QTMAN: variants seen among roughly 807,000 people sequenced by gnomAD.
QTMAN encodes queuosine-tRNA mannosyltransferase, also known as tRNA-queuosine alpha-mannosyltransferase.
At chr2:144,263,949 A>G in the QTMAN span, among the ~76,000 whole-genome samples, 2 of 152,172 alleles carry the variant, frequency 1.3e-5, no homozygotes, top group Non-Finnish European at 2.9e-5. Context: ...CATGTATAGA[A>G]CATAAGCACT....
chr2:143,966,072 G>T, the QTMAN span, among the ~76,000 whole-genome samples: 1 of 152,036 alleles, frequency 6.6e-6, no homozygotes, highest in Non-Finnish European at 1.5e-5. Flanking sequence ...CACATGAGTG[G>T]CCAGGAATTT....
the QTMAN span, among the ~76,000 whole-genome samples, chr2:144,207,909 G>A: frequency 1.3e-5 from 2 of 151,870 alleles, no homozygotes; most frequent in African/African-American, 4.8e-5. Flanking sequence ...CCAGGCTGGA[G>A]TGCAGTGGCT....
At chr2:144,220,901 T>G in the QTMAN span, among the ~76,000 whole-genome samples, 1 of 152,232 alleles carries the variant, frequency 6.6e-6, no homozygotes, top group Non-Finnish European at 1.5e-5. Flanking sequence ...CCTTGTTCAA[T>G]GTACCCACCT....
the QTMAN span, among the ~76,000 whole-genome samples, chr2:144,268,458 A>T: frequency 6.6e-6 from 1 of 152,226 alleles, no homozygotes; most frequent in African/African-American, 2.4e-5. Flanking sequence ...CTTATAAAAG[A>T]TGCCAAAGAA....
the QTMAN span, among the ~76,000 whole-genome samples, chr2:144,028,680 T>C: frequency 1.3e-5 from 2 of 152,202 alleles, no homozygotes; most frequent in Non-Finnish European, 1.5e-5. Flanking sequence ...TTCTAAAAAA[T>C]ATATATTGTT....
chr2:144,015,927 T>A, the QTMAN span, among the ~76,000 whole-genome samples: 1 of 152,172 alleles, frequency 6.6e-6, no homozygotes, highest in African/African-American at 2.4e-5. Flanking sequence ...CTTGTAAATT[T>A]CTTGAGAGCA....
chr2:144,315,528 T>C, the QTMAN span, among the ~76,000 whole-genome samples: 1 of 152,224 alleles, frequency 6.6e-6, no homozygotes, highest in Non-Finnish European at 1.5e-5. Context: ...TGTTCCTTCT[T>C]ATCCAGTATT....
At chr2:144,002,774 T>G in the QTMAN span, among the ~76,000 whole-genome samples, 1 of 151,918 alleles carries the variant, frequency 6.6e-6, no homozygotes, top group Admixed American at 6.6e-5. Context: ...ACAGCAAACC[T>G]TTAAGGAACT....
At chr2:144,320,168 G>A in the QTMAN span, among the ~76,000 whole-genome samples, 122 of 152,276 alleles carry the variant, frequency 8.0e-4, no homozygotes, top group African/African-American at 2.8e-3. Context: ...ATTGGAACAT[G>A]GCTATATTCT....
At chr2:144,309,579 AT>A in the QTMAN span, among the ~76,000 whole-genome samples, 1 of 152,222 alleles carries the variant, frequency 6.6e-6, no homozygotes, top group Admixed American at 6.5e-5. Flanking sequence ...AAATCAGATC[AT>A]TAGTTGCCTG....
the QTMAN span, among the ~76,000 whole-genome samples, chr2:144,002,135 A>C: frequency 1.5e-4 from 23 of 152,018 alleles, no homozygotes; most frequent in Non-Finnish European, 2.9e-4. Context: ...GCAATGGCAC[A>C]AACAAGTCTG....
At chr2:143,991,655 GC>G in the QTMAN span, among the ~76,000 whole-genome samples, 1 of 142,540 alleles carries the variant, frequency 7.0e-6, no homozygotes, top group East Asian at 2.2e-4. Context: ...GAGCCCCTCT[GC>G]CCAGCCAGCC....
the QTMAN span, among the ~76,000 whole-genome samples, chr2:144,037,772 A>G: frequency 1.3e-5 from 2 of 152,224 alleles, no homozygotes; most frequent in African/African-American, 4.8e-5. Flanking sequence ...TGCAGGCAGA[A>G]AAAGAAAACG....
At chr2:144,123,726 C>A in the QTMAN span, among the ~76,000 whole-genome samples, 1 of 152,014 alleles carries the variant, frequency 6.6e-6, no homozygotes, top group African/African-American at 2.4e-5. Flanking sequence ...GAAATATGAT[C>A]CATAATTTTT....
the QTMAN span, among the ~76,000 whole-genome samples, chr2:143,994,458 T>C: frequency 2.6e-5 from 4 of 152,212 alleles, no homozygotes; most frequent in Admixed American, 6.5e-5. Context: ...AGAGCATTAT[T>C]CTTAACAGCT....
At chr2:144,003,356 T>C in the QTMAN span, among the ~76,000 whole-genome samples, 1 of 151,620 alleles carries the variant, frequency 6.6e-6, no homozygotes, top group Non-Finnish European at 1.5e-5. Flanking sequence ...AGAGAATGCT[T>C]ACATAAAGGT....
At chr2:144,047,011 C>T in the QTMAN span, among the ~76,000 whole-genome samples, 1 of 152,210 alleles carries the variant, frequency 6.6e-6, no homozygotes, top group Non-Finnish European at 1.5e-5. Flanking sequence ...TGGCTCACAC[C>T]TGTAATCCCA....
the QTMAN span, among the ~76,000 whole-genome samples, chr2:144,307,086 G>A: frequency 5.5e-5 from 8 of 146,526 alleles, no homozygotes; most frequent in South Asian, 2.1e-4. Context: ...ACTTGAACCC[G>A]GAAGGCAGAG....
At chr2:144,308,169 T>G in the QTMAN span, among the ~76,000 whole-genome samples, 6 of 146,596 alleles carry the variant, frequency 4.1e-5, no homozygotes, top group Non-Finnish European at 7.5e-5. Context: ...GTTGTTTTTT[T>G]TTTTTTTTTT....
Sources: allele counts gnomAD v4.1 joint callset (sites outside exome capture counted in the v4.1 genomes callset), GRCh38; gene constraint gnomAD v4.1.1; transcripts MANE v1.5; gene names NCBI Gene and HGNC (gene_info 2026-07-23, HGNC 2026-07-21).